Variants in PC observed in about 807,000 individuals in gnomAD.
PC encodes the protein pyruvate carboxylase.
PC carries 46 observed loss-of-function variants against 107.8 expected under a neutral mutation model. The ratio of observed to expected loss-of-function variants is 0.43; its 90% confidence interval spans 0.34 to 0.55. The LOEUF (loss-of-function observed/expected upper bound fraction) is 0.55, where lower values mean the gene tolerates loss of function less well. Among genes scored for constraint, PC ranks in the 20% least tolerant of loss-of-function variants. The probability of loss-of-function intolerance (pLI) is 0.04; values close to 1 mark genes in which losing one functional copy is unlikely to be tolerated. For synonymous variants in PC, 662 were observed against 684.7 expected (o/e 0.97, Z 0.52); for missense variants, 1,241 against 1,643.1 (o/e 0.76, Z 4.23).
chr11:66,953,159 G>A (rs1023553404), intron 2 of PC, among the ~76,000 whole-genome samples: 11 of 152,152 alleles, frequency 7.2e-5, no homozygotes, highest in Non-Finnish European at 1.5e-4. Context: ...CACTACACAT[G>A]AACAAGAAGT....
chr11:66,910,555 G>A (rs558411289), intron 3 of PC, among the ~76,000 whole-genome samples: 2 of 152,334 alleles, frequency 1.3e-5, no homozygotes, highest in South Asian at 2.1e-4. Context: ...CAGAGAGAGC[G>A]TGATGGCCCC....
intron 3 of PC, among the ~76,000 whole-genome samples, chr11:66,894,511 C>T (rs890561068): frequency 6.6e-6 from 1 of 152,196 alleles, no homozygotes; most frequent in African/African-American, 2.4e-5. Context: ...AAGGGCAGAA[C>T]AGGAGAGGAG....
At chr11:66,881,860 G>T (rs545137907) in intron 3 of PC, among the ~76,000 whole-genome samples, 1 of 152,170 alleles carries the variant, frequency 6.6e-6, no homozygotes, top group South Asian at 2.1e-4. Flanking sequence ...GCAGGAGCTC[G>T]GACCCATCAG....
Position 66,857,945 on chromosome 11 carries a change from C to T in PC, c.1369-4562G>A. 1 of 1,612,590 alleles carries T rather than the reference C, an allele frequency of 6.2e-7. No homozygotes were observed. The highest frequency in any genetic ancestry group is 8.5e-7 in the Non-Finnish European group (1 of 1,179,942). On this transcript the variant is annotated intron_variant, in intron 12 of 22. Coordinates refer to ENST00000393960, the MANE Select transcript of PC (RefSeq NM_001040716.2). The surrounding 1 kb of genome is among the most constrained non-coding windows in gnomAD (Gnocchi z 7.1). ...TCATCCAGGCCCTGGGGCCCCCTGA[C>T]TTCCGCAACATGACGGGACTGGTGG...
At chr11:66,850,538 C>G in intron 18 of PC, 74 bp from the exon 19 acceptor site, 2 of 1,609,282 alleles carry the variant, frequency 1.2e-6, no homozygotes, top group Non-Finnish European at 1.7e-6. Flanking sequence ...AGCTCAGGTC[C>G]CATGTCTGAC....
At chr11:66,885,321 C>G (rs1201133985) in intron 3 of PC, among the ~76,000 whole-genome samples, 1 of 152,040 alleles carries the variant, frequency 6.6e-6, no homozygotes, top group African/African-American at 2.4e-5. Context: ...AAACCCATCT[C>G]TACCAAAAAA....
At position 66,897,664 on chromosome 11, in the gene PC, C is replaced by G. The variant is rs892187419; in HGVS notation, c.1-25505G>C. Among the ~76,000 whole-genome samples, 3 of 152,188 alleles carry G rather than the reference C, an allele frequency of 2.0e-5. No individual in the cohort carries two copies. The South Asian group carries it at 6.2e-4, about 31-fold the overall frequency. Reference sequence around the variant, plus strand: ...CTTCATTGCCCCCTCCCTGAGGAAGCCTTCCCCGGTTCCCAACCCAGGACC... The same window carrying G: ...CTTCATTGCCCCCTCCCTGAGGAAGGCTTCCCCGGTTCCCAACCCAGGACC... On this transcript the variant is annotated intron_variant, in intron 3 of 22. Transcript: ENST00000393960.
At position 66,852,290 on chromosome 11, in the gene PC, C is replaced by A; in HGVS notation, c.1825+149G>T. ...ACCTCGTGCCGGCACCAGGCCTGGC[C>A]GGAGAGGGCGCTGTGCCTTCTTCGG... On this transcript the variant is annotated intron_variant, in intron 15 of 22. Coordinates refer to ENST00000393960, the MANE Select transcript of PC (RefSeq NM_001040716.2). This position sits in a 1 kb window ranked among gnomAD's most constrained non-coding sequence, Gnocchi z 4.7. The A allele has an allele frequency of 1.3e-6, 1 of 759,728 alleles. No homozygotes were observed. Among genetic ancestry groups the A allele is most frequent in the South Asian group, 1.6e-5 (1 of 63,570 alleles). 47.1% of individuals were successfully genotyped at this position (759,728 alleles called of 1,614,324 possible).
chr11:66,867,411 T>G (rs1319042041), intron 10 of PC, among the ~76,000 whole-genome samples: 3 of 152,148 alleles, frequency 2.0e-5, no homozygotes, highest in Admixed American at 2.0e-4. Context: ...AGGTTTTACA[T>G]GTATTGCCAC....
At chr11:66,900,923 G>A (rs1218316636) in intron 3 of PC, among the ~76,000 whole-genome samples, 1 of 152,108 alleles carries the variant, frequency 6.6e-6, no homozygotes, top group Non-Finnish European at 1.5e-5. Context: ...CATGTCAACT[G>A]AAAATAAAAA....
intron 3 of PC, among the ~76,000 whole-genome samples, chr11:66,873,559 A>G (rs1946867149): frequency 1.8e-5 from 2 of 108,562 alleles, no homozygotes; most frequent in African/African-American, 7.1e-5. Flanking sequence ...TTATAATATT[A>G]TATAATATTA....
At chr11:66,939,820 A>AAC (rs1949083179) in intron 3 of PC, among the ~76,000 whole-genome samples, 1 of 150,338 alleles carries the variant, frequency 6.7e-6, no homozygotes, top group Non-Finnish European at 1.5e-5. Context: ...AAAAAAAAAA[A>AAC]AAAAAACCAA....
chr11:66,895,173 T>C (rs938328283), intron 3 of PC, among the ~76,000 whole-genome samples: 10 of 152,060 alleles, frequency 6.6e-5, no homozygotes, highest in African/African-American at 1.4e-4. Context: ...CGAGGCACAG[T>C]TGAGGGCCTG....
intron 3 of PC, among the ~76,000 whole-genome samples, chr11:66,884,199 G>A (rs866345736): frequency 6.6e-6 from 1 of 151,212 alleles, no homozygotes; most frequent in African/African-American, 2.4e-5. Context: ...GGCTGAGATC[G>A]TGCTATTGCA....
chr11:66,917,101 T>C (rs1948480609), intron 3 of PC, among the ~76,000 whole-genome samples: 1 of 152,000 alleles, frequency 6.6e-6, no homozygotes, highest in Admixed American at 6.6e-5. Flanking sequence ...AGACAGAGTC[T>C]TACTCTGTTG....
intron 3 of PC, among the ~76,000 whole-genome samples, chr11:66,927,233 T>G (rs1416163370): frequency 7.2e-6 from 1 of 139,776 alleles, no homozygotes; most frequent in Non-Finnish European, 1.5e-5. Context: ...AATTTTTAAC[T>G]ATCCAGGCTG....
At chr11:66,861,259 T>A (rs1486811973) in intron 12 of PC, among the ~76,000 whole-genome samples, 1 of 152,176 alleles carries the variant, frequency 6.6e-6, no homozygotes, top group Non-Finnish European at 1.5e-5. Context: ...AACTATCTGC[T>A]TCTAGGCACT....
intron 3 of PC, among the ~76,000 whole-genome samples, chr11:66,923,255 G>A (rs1290296774): frequency 6.6e-6 from 1 of 151,970 alleles, no homozygotes; most frequent in Non-Finnish European, 1.5e-5. Flanking sequence ...CCAGCTACTA[G>A]GGAGGCTGAG....
intron 12 of PC, chr11:66,859,743 C>T (rs1282327619): frequency 6.2e-7 from 1 of 1,609,860 alleles, no homozygotes. Context: ...GCCCTCTGAC[C>T]TCACGGCCAC....
Sources: allele counts gnomAD v4.1 joint callset (sites outside exome capture counted in the v4.1 genomes callset), GRCh38; gene constraint gnomAD v4.1.1; non-coding constraint Gnocchi (gnomAD v3.1); transcripts MANE v1.5; gene names NCBI Gene and HGNC (gene_info 2026-07-23, HGNC 2026-07-21).